Variants in CADM1 observed in about 807,000 individuals in gnomAD.
CADM1 encodes the protein TSLC-1.
A neutral mutation model predicts 53.1 loss-of-function variants in CADM1; 15 were observed. The ratio of observed to expected loss-of-function variants is 0.28; its 90% CI spans 0.19 to 0.44. The LOEUF (loss-of-function observed/expected upper bound fraction) is 0.44. Among genes scored for constraint, CADM1 ranks in the 20% least tolerant of loss-of-function variants. The pLI, the probability that CADM1 is intolerant of heterozygous loss-of-function variation, is 1.00. For missense variants in CADM1, 434 were observed against 611.3 expected (o/e 0.71, Z 3.06); for synonymous variants, 281 against 243.0 (o/e 1.16, Z -1.45).
intron 1 of CADM1, among the ~76,000 whole-genome samples, chr11:115,276,906 C>T (rs989445020): frequency 1.3e-5 from 2 of 152,160 alleles, no homozygotes; most frequent in East Asian, 3.9e-4. Flanking sequence ...TGTTTCTTCC[C>T]TGCACCAAGC....
chr11:115,328,848 T>A (rs1422412955), intron 1 of CADM1, among the ~76,000 whole-genome samples: 1 of 138,446 alleles, frequency 7.2e-6, no homozygotes, highest in South Asian at 2.4e-4. Flanking sequence ...TAAGAAGATG[T>A]ACATGAGAGA....
chr11:115,206,765 T>TTTTTTTTTTTTTTTG (rs1940713859), intron 8 of CADM1, among the ~76,000 whole-genome samples: 1 of 116,550 alleles, frequency 8.6e-6, no homozygotes, highest in Non-Finnish European at 1.7e-5. Flanking sequence ...CTTCTTTTTT[T>TTTTTTTTTTTTTTTG]TTTTTTTTTT....
At chr11:115,469,324 T>C (rs1485253672) in intron 1 of CADM1, among the ~76,000 whole-genome samples, 2 of 152,198 alleles carry the variant, frequency 1.3e-5, no homozygotes, top group African/African-American at 4.8e-5. Context: ...TAGTTTTACA[T>C]ATATTAACTC....
chr11:115,242,336 G>GAAAAAAAAAAAAAAAAAAAAGAAAAA (rs200660668), intron 1 of CADM1, among the ~76,000 whole-genome samples: 1 of 57,614 alleles, frequency 1.7e-5, no homozygotes, highest in African/African-American at 6.2e-5. Context: ...AAGGTGATCA[G>GAAAAAAAAAAAAAAAAAAAAGAAAAA]AAAAAAAAAA....
intron 8 of CADM1, 72 bp from the exon 9 acceptor site, chr11:115,198,510 GA>G (rs1940270955): frequency 3.0e-5 from 34 of 1,141,586 alleles, no homozygotes; most frequent in Non-Finnish European, 3.8e-5. Context: ...AGGGAAAATG[GA>G]AAAAAAATGG....
At chr11:115,214,494 A>G in intron 7 of CADM1, 114 bp downstream of exon 7, 1 of 1,064,454 alleles carries the variant, frequency 9.4e-7, no homozygotes, top group Admixed American at 1.9e-5. Flanking sequence ...AAGTTCTAGA[A>G]GGAAACCAAC....
chr11:115,238,735 G>A (rs1942101444), intron 2 of CADM1, 83 bp from the exon 3 acceptor site: 1 of 1,388,384 alleles, frequency 7.2e-7, no homozygotes, highest in Non-Finnish European at 1.0e-6. Flanking sequence ...ACATCTTGCT[G>A]TATCTGATAC....
chr11:115,223,971 A>AGAGAGAG (rs1470723432), intron 5 of CADM1, among the ~76,000 whole-genome samples: 7 of 16,974 alleles, frequency 4.1e-4, no homozygotes, highest in African/African-American at 6.0e-4. Context: ...AAAAAAAAAA[A>AGAGAGAG]AAAGAGAGAG....
intron 1 of CADM1, among the ~76,000 whole-genome samples, chr11:115,435,883 T>C (rs1385479840): frequency 6.6e-6 from 1 of 152,208 alleles, no homozygotes; most frequent in Non-Finnish European, 1.5e-5. Context: ...ATCTGGCCCT[T>C]TGAAGAAAAA....
At chr11:115,368,301 G>C (rs1010933203) in intron 1 of CADM1, among the ~76,000 whole-genome samples, 1 of 151,726 alleles carries the variant, frequency 6.6e-6, no homozygotes, top group Non-Finnish European at 1.5e-5. Flanking sequence ...TGACACTTGT[G>C]GTGTTGCTTT....
At chr11:115,418,550 T>C (rs1239817509) in intron 1 of CADM1, among the ~76,000 whole-genome samples, 3 of 152,170 alleles carry the variant, frequency 2.0e-5, no homozygotes, top group Non-Finnish European at 4.4e-5. Context: ...ACATTATATA[T>C]TTAAAAAAAA....
At chr11:115,196,513 C>G (rs11215409) in intron 9 of CADM1, among the ~76,000 whole-genome samples, 1 of 138,842 alleles carries the variant, frequency 7.2e-6, no homozygotes, top group East Asian at 2.3e-4. Flanking sequence ...GGTGTCCAAT[C>G]TTTTAGCTTC....
intron 1 of CADM1, chr11:115,287,494 A>G (rs1943762532): frequency 6.6e-6 from 1 of 152,246 alleles, no homozygotes; most frequent in African/African-American, 2.4e-5. Flanking sequence ...AGCGCACTCT[A>G]GTCATCTGCC....
intron 1 of CADM1, among the ~76,000 whole-genome samples, chr11:115,336,749 A>C (rs1406714673): frequency 1.3e-5 from 2 of 152,188 alleles, no homozygotes; most frequent in Non-Finnish European, 2.9e-5. Context: ...CACAGTAGTA[A>C]GGTTAAAAAT....
At chr11:115,225,943 A>C (rs1041099589) in intron 5 of CADM1, among the ~76,000 whole-genome samples, 4 of 152,082 alleles carry the variant, frequency 2.6e-5, no homozygotes, top group African/African-American at 9.7e-5. Context: ...CATGGTGTAA[A>C]ATCAGCCAGG....
chr11:115,231,046 G>C (rs1941795030), intron 4 of CADM1, among the ~76,000 whole-genome samples: 1 of 152,188 alleles, frequency 6.6e-6, no homozygotes, highest in South Asian at 2.1e-4. Context: ...CTGAGCTCAG[G>C]AGACAGCCCT....
intron 1 of CADM1, among the ~76,000 whole-genome samples, chr11:115,469,175 T>G (rs1948956498): frequency 6.6e-6 from 1 of 152,210 alleles, no homozygotes; most frequent in East Asian, 1.9e-4. Flanking sequence ...AGCTCTGATT[T>G]CTACTTCTCT....
intron 1 of CADM1, among the ~76,000 whole-genome samples, chr11:115,478,905 A>G (rs1365712250): frequency 2.0e-5 from 3 of 152,096 alleles, no homozygotes; most frequent in Non-Finnish European, 1.5e-5. Context: ...ACAGATCATA[A>G]TTTATTTAAC....
intron 1 of CADM1, among the ~76,000 whole-genome samples, chr11:115,403,379 AG>A (rs1947213298): frequency 6.6e-6 from 1 of 152,236 alleles, no homozygotes; most frequent in African/African-American, 2.4e-5. Context: ...GAGCAGCAAA[AG>A]GTTGTTAGTG....
Sources: gnomAD v4.1 joint callset for allele counts (sites outside exome capture counted in the v4.1 genomes callset) on GRCh38, gnomAD v4.1.1 for gene constraint, MANE v1.5 for transcripts, NCBI Gene and HGNC (gene_info 2026-07-23, HGNC 2026-07-21) for gene names.